Variants in DCAF15 observed in about 807,000 individuals in gnomAD.
DCAF15 encodes DDB1- and CUL4-associated factor 15.
A neutral mutation model predicts 68.0 loss-of-function variants in DCAF15; 24 were observed. The ratio of observed to expected loss-of-function variants is 0.35; its 90% CI spans 0.26 to 0.50. The LOEUF (loss-of-function observed/expected upper bound fraction) is 0.50, where lower values mean the gene tolerates loss of function less well. Among genes scored for constraint, DCAF15 ranks in the 20% least tolerant of loss-of-function variants. The pLI, the probability that DCAF15 is intolerant of heterozygous loss-of-function variation, is 0.98. For missense variants in DCAF15, 627 were observed against 830.6 expected (o/e 0.75, Z 3.01); for synonymous variants, 376 against 341.6 (o/e 1.10, Z -1.11).
At position 13,960,966 on chromosome 19, in the gene DCAF15, A is replaced by G; in HGVS notation, c.1774A>G (p.Ser592Gly). 6.2e-7 allele frequency: 1 copy of G among 1,613,978 alleles called. No homozygotes were observed. Among genetic ancestry groups the G allele is most frequent in the Non-Finnish European group, 8.5e-7 (1 of 1,180,014 alleles). ...GTGCTCCCTGAAGGTTCTGGCGGAC[A>G]GCGAGCGATATACGTGGATCGTGCT... is the stretch of plus-strand genomic sequence containing the variant. The part of the protein sequence containing the change: ...KGCSLKVLAD[S>G]ERYTWIVL Residue 592 changes from serine to glycine, a missense_variant, in exon 13 of 13, where the codon AGC (serine) becomes GGC (glycine). By Grantham distance (56) the Ser-to-Gly change is moderately conservative (BLOSUM62 0). Transcript: ENST00000254337.
rs765540115 is a variant in DCAF15, at chr19:13,955,995, C to T, written c.450C>T (p.Ser150=). Residue 150 remains serine, a synonymous_variant, in exon 4 of 13, where the codon TCC becomes TCT. Coordinates refer to ENST00000254337, the MANE Select transcript of DCAF15 (RefSeq NM_138353.4). The stretch of plus-strand genomic sequence containing the variant: ...TATGCGAGTGGCCCAGCGACGCCTC[C>T]AAGGTCATCGTCTTCGGCTTCAAGT... The part of the protein sequence containing the change: ...LTVCEWPSDA[S]KVIVFGFNTR... 1 of 1,613,882 alleles carries T rather than the reference C, an allele frequency of 6.2e-7. No individual in the cohort carries two copies. Among genetic ancestry groups the T allele is most frequent in the Non-Finnish European group, 8.5e-7 (1 of 1,180,018 alleles).
At position 13,959,589 on chromosome 19, in the gene DCAF15, G is replaced by A; in HGVS notation, c.1227G>A (p.Glu409=). 6.2e-7 allele frequency: 1 copy of A among 1,613,210 alleles called. No homozygotes were observed. Residue 409 remains glutamate (E), a synonymous_variant, in exon 8 of 13, where the codon GAG becomes GAA. Transcript: ENST00000254337. ...GEGTEPEDEL[E]DDKISLPFVV... is the part of the protein sequence containing the mutation. ...CACTTCCTGCCTCCCCAGAGTTGGA[G>A]GACGACAAGATCTCCCTGCCCTTCG...
chr19:13,956,555 C>T (rs779847719), intron 6 of DCAF15, 33 bp downstream of exon 6: 32 of 1,607,582 alleles, frequency 2.0e-5, no homozygotes, highest in South Asian at 6.6e-5. Context: ...CACCCGGCAA[C>T]GCGTGAAGCG....
rs771570067 is a variant in DCAF15 at position 13,954,431 on chromosome 19, A to G, written c.224A>G (p.Tyr75Cys). 6 of 1,593,476 alleles carry G rather than the reference A, an allele frequency of 3.8e-6. No individual in the cohort carries two copies. The highest frequency in any genetic ancestry group is 1.1e-5 in the South Asian group (1 of 90,568). Residue 75 changes from tyrosine to cysteine, a missense_variant, in exon 2 of 13, where the codon TAT (tyrosine) becomes TGT (cysteine). Around this residue, in one of 3 missense-constraint regions of DCAF15, gnomAD observed 273 missense variants for 393.7 expected, o/e 0.69. Transcript: ENST00000254337. ...LKNIVDEDFL[Y>C]AGHIFLGFSK... is the part of the protein sequence containing the mutation. ...AACATTGTGGATGAGGACTTCCTCT[A>G]TGCAGGGTGAGGCTGGGCCCAGGCA...
intron 8 of DCAF15, 47 bp downstream of exon 8, chr19:13,959,720 C>T (rs761109796): frequency 1.6e-5 from 26 of 1,612,406 alleles, no homozygotes; most frequent in East Asian, 4.5e-5. Context: ...GGGGAGCTGC[C>T]GGGGGGCAGT....
chr19:13,958,603 T>A (rs10426418), intron 6 of DCAF15, among the ~76,000 whole-genome samples: 1 of 152,066 alleles, frequency 6.6e-6, no homozygotes, highest in East Asian at 1.9e-4. Context: ...GTGCCCGCAG[T>A]GGTCTGGCTT....
At chr19:13,960,265 C>T (rs755322290) in intron 10 of DCAF15, 22 bp from the exon 11 acceptor site, 1 of 1,610,270 alleles carries the variant, frequency 6.2e-7, no homozygotes, top group South Asian at 1.1e-5. Context: ...CAGCGTTTGT[C>T]CTATGTCCCT....
chr19:13,960,798 G>C, intron 12 of DCAF15, 142 bp from the exon 13 acceptor site: 1 of 1,076,502 alleles, frequency 9.3e-7, no homozygotes. Context: ...TTATTGGGTA[G>C]CTGCAGGCTA....
intron 6 of DCAF15, among the ~76,000 whole-genome samples, chr19:13,957,572 AAC>A (rs1487160301): frequency 6.6e-6 from 1 of 152,184 alleles, no homozygotes; most frequent in Non-Finnish European, 1.5e-5. Flanking sequence ...ATGTGGGTGA[AAC>A]ACAAGGAATC....
chr19:13,958,413 C>T (rs1223193402), intron 6 of DCAF15, among the ~76,000 whole-genome samples: 1 of 152,140 alleles, frequency 6.6e-6, no homozygotes, highest in Admixed American at 6.5e-5. Flanking sequence ...CCCTGAGCTG[C>T]ATTCTGGGGG....
chr19:13,959,444 T>G lies in DCAF15; in HGVS notation c.1184T>G (p.Val395Gly), dbSNP rs748878352. Residue 395 changes from valine to glycine, a missense_variant, in exon 7 of 13, where the codon GTG becomes GGG. Physicochemically the swap from Val to Gly is moderately radical, Grantham distance 109. Coordinates refer to ENST00000254337, the MANE Select transcript of DCAF15 (RefSeq NM_138353.4). ...GTCAACTACACCAAGCTGTACTATG[T>G]GCTGGAGTCCGGAGAGGGGACGGAG... Reference protein sequence around the residue: ...GYVNYTKLYYVLESGEGTEPE... With the variant: ...GYVNYTKLYYGLESGEGTEPE... The G allele has an allele frequency of 6.2e-7, 1 of 1,610,012 alleles. No homozygotes were observed. The highest frequency in any genetic ancestry group is 8.5e-7 in the Non-Finnish European group (1 of 1,179,310).
chr19:13,953,905 G>C (rs183283809), intron 1 of DCAF15, among the ~76,000 whole-genome samples: 5 of 152,278 alleles, frequency 3.3e-5, no homozygotes, highest in African/African-American at 1.2e-4. Flanking sequence ...CTTGTTTGAA[G>C]GCTGGTGGGT....
intron 1 of DCAF15, 49 bp downstream of exon 1, chr19:13,952,693 G>A (rs1973111954): frequency 3.1e-6 from 4 of 1,302,416 alleles, no homozygotes; most frequent in Non-Finnish European, 3.9e-6. Flanking sequence ...TGGGGAGTAG[G>A]GACGAGGGAG....
chr19:13,957,155 T>C (rs1973398125), intron 6 of DCAF15, among the ~76,000 whole-genome samples: 2 of 152,254 alleles, frequency 1.3e-5, no homozygotes, highest in Admixed American at 1.3e-4. Flanking sequence ...AACGCTAATG[T>C]GACATTTCAG....
In DCAF15 at chr19:13,960,085, C is replaced by T. The variant is rs767676322; in HGVS notation, c.1526+16C>T. 130 of 1,612,646 alleles carry T rather than the reference C, an allele frequency of 8.1e-5. No homozygotes were observed. Among genetic ancestry groups the T allele is most frequent in the Non-Finnish European group, 1.0e-4 (119 of 1,179,648 alleles). On this transcript the variant is annotated intron_variant, in intron 10 of 12. Coordinates refer to ENST00000254337, the MANE Select transcript of DCAF15 (RefSeq NM_138353.4). ...GCCAGCTCCGGTGAGCGCGGGGATC[C>T]TGCCCTCTCTGTCCACTAGGGGGGC...
rs936118423 is a variant in DCAF15 at position 13,959,142 on chromosome 19, C to T, written c.882C>T (p.Ala294=). Residue 294 remains alanine (A), a synonymous_variant, in exon 7 of 13, where the codon GCC becomes GCT. Transcript: ENST00000254337. ...PEPQSPELPP[A]LPSFCPEAAP... ...CCCAGAGCCCAGAGCTGCCCCCTGCCCTCCCCAGCTTCTGCCCTGAGGCGG... is the reference window on the plus strand; with the variant it reads ...CCCAGAGCCCAGAGCTGCCCCCTGCTCTCCCCAGCTTCTGCCCTGAGGCGG... 2.5e-6 allele frequency: 4 copies of T among 1,612,684 alleles called. No individual in the cohort carries two copies. The African/African-American group carries it at 4.0e-5, about 16-fold the overall frequency.
chr19:13,961,107 T>A lies in DCAF15; in HGVS notation c.*112T>A. On this transcript the variant is annotated 3_prime_UTR_variant, in exon 13 of 13. Transcript: ENST00000254337. ...TGGCCCACCGACTGATGACCGGCACTAGTGTTAGCCTGCGGAACGGGGCTG... is the reference window on the plus strand; with the variant it reads ...TGGCCCACCGACTGATGACCGGCACAAGTGTTAGCCTGCGGAACGGGGCTG... 1 of 1,322,088 alleles carries A rather than the reference T, an allele frequency of 7.6e-7. No individual in the cohort carries two copies. The highest frequency in any genetic ancestry group is 1.1e-6 in the Non-Finnish European group (1 of 937,388). 81.9% of individuals were successfully genotyped at this position (1,322,088 alleles called of 1,614,324 possible).
In DCAF15 at chr19:13,957,629, C is replaced by T. The variant is rs146348911; in HGVS notation, c.784+1107C>T. Among the ~76,000 whole-genome samples the T allele has an allele frequency of 8.2e-3, 1,245 of 152,266 alleles. 22 individuals carry two copies. The highest frequency in any genetic ancestry group is 0.028 in the African/African-American group (1,174 of 41,550). Reference sequence around the variant, plus strand: ...TATAAATTAAAAAGACGATTTAGGCCAGGCACAGTGGCTCATGCCTGTAAT... The same window carrying T: ...TATAAATTAAAAAGACGATTTAGGCTAGGCACAGTGGCTCATGCCTGTAAT... On this transcript the variant is annotated intron_variant, in intron 6 of 12. Transcript: ENST00000254337.
chr19:13,955,582 AC>A (rs1046538685), intron 3 of DCAF15, among the ~76,000 whole-genome samples: 3 of 151,780 alleles, frequency 2.0e-5, no homozygotes, highest in Non-Finnish European at 2.9e-5. Context: ...GACTCCTGGA[AC>A]CCCCCCAGGA....
Sources: gnomAD v4.1 joint callset for allele counts (sites outside exome capture counted in the v4.1 genomes callset) on GRCh38, gnomAD v4.1.1 for gene constraint, gnomAD v4.1.1 regional missense constraint, MANE v1.5 for transcripts, NCBI Gene and HGNC (gene_info 2026-07-23, HGNC 2026-07-21) for gene names.